EMC8: variants seen among roughly 807,000 people sequenced by gnomAD.
The protein encoded by EMC8 is ER membrane protein complex subunit 8.
In EMC8, 11 loss-of-function variants were observed where a neutral mutation model predicts 24.3. The ratio of observed to expected loss-of-function variants is 0.45; its 90% confidence interval spans 0.28 to 0.75. EMC8 has a LOEUF of 0.75. Among genes scored for constraint, EMC8 ranks in the 30% least tolerant of loss-of-function variants. EMC8 has a pLI of 0.12. For synonymous variants in EMC8, 145 were observed against 117.7 expected (o/e 1.23, Z -1.50); for missense variants, 277 against 282.7 (o/e 0.98, Z 0.14).
At chr16:85,793,982 C>T (rs1259311851) in intron 1 of EMC8, among the ~76,000 whole-genome samples, 1 of 152,094 alleles carries the variant, frequency 6.6e-6, no homozygotes, top group African/African-American at 2.4e-5. Context: ...AATGAAAAGC[C>T]TTTCAAAGGA....
intron 1 of EMC8, chr16:85,792,999 A>G (rs1905082675): frequency 2.0e-5 from 3 of 152,216 alleles, no homozygotes; most frequent in Non-Finnish European, 4.4e-5. Context: ...TTCTGCACTT[A>G]CTCATGCAAT....
chr16:85,778,663 C>T lies in EMC8; in HGVS notation c.*1045G>A, dbSNP rs1904354417. 6.6e-6 allele frequency: 1 copy of T among 152,220 alleles called. No individual in the cohort carries two copies. Among genetic ancestry groups the T allele is most frequent in the South Asian group, 2.1e-4 (1 of 4,834 alleles). 9.4% of individuals were successfully genotyped at this position (152,220 alleles called of 1,614,324 possible). On this transcript the variant is annotated 3_prime_UTR_variant, in exon 5 of 5. Coordinates refer to ENST00000253457, the MANE Select transcript of EMC8 (RefSeq NM_006067.5). Reference sequence around the variant, plus strand: ...TAAAGCACATTTATTGTAGCGATGTCTGAACTTTTTTCCTATGTGTTAAGA... The same window carrying T: ...TAAAGCACATTTATTGTAGCGATGTTTGAACTTTTTTCCTATGTGTTAAGA...
chr16:85,793,886 A>G (rs1183679922), intron 1 of EMC8, among the ~76,000 whole-genome samples: 4 of 152,234 alleles, frequency 2.6e-5, no homozygotes, highest in Admixed American at 6.5e-5. Context: ...ATAAGGATAA[A>G]TAAGTTAATA....
chr16:85,788,762 C>G, intron 2 of EMC8: 1 of 580,708 alleles, frequency 1.7e-6, no homozygotes, highest in East Asian at 2.9e-5. Flanking sequence ...AAAGAAGACA[C>G]AAAACAGAAT....
chr16:85,797,422 G>A (rs1905281970), intron 1 of EMC8, among the ~76,000 whole-genome samples: 1 of 152,114 alleles, frequency 6.6e-6, no homozygotes, highest in Admixed American at 6.6e-5. Context: ...AAAACAAAAA[G>A]ATGGTTGGAA....
chr16:85,790,158 T>A (rs1293375926), intron 1 of EMC8, among the ~76,000 whole-genome samples: 34 of 152,180 alleles, frequency 2.2e-4, no homozygotes, highest in Non-Finnish European at 3.4e-4. Flanking sequence ...TGATTTTTTT[T>A]TTTTTGTAGG....
At chr16:85,786,368 T>C (rs1904754051) in intron 2 of EMC8, among the ~76,000 whole-genome samples, 1 of 152,154 alleles carries the variant, frequency 6.6e-6, no homozygotes. Context: ...AGCAAAACCA[T>C]ACTTAAGTCA....
chr16:85,782,680 T>C (rs1904564168), intron 2 of EMC8, among the ~76,000 whole-genome samples: 1 of 152,152 alleles, frequency 6.6e-6, no homozygotes, highest in Non-Finnish European at 1.5e-5. Context: ...CAATCTGCCA[T>C]CTAACCCATT....
intron 1 of EMC8, among the ~76,000 whole-genome samples, chr16:85,794,614 G>T (rs527672986): frequency 2.6e-5 from 4 of 152,174 alleles, no homozygotes; most frequent in Admixed American, 6.5e-5. Context: ...GCTTGAACCT[G>T]AGAGGCCAAG....
At chr16:85,794,309 T>C (rs991784325) in intron 1 of EMC8, among the ~76,000 whole-genome samples, 1 of 152,210 alleles carries the variant, frequency 6.6e-6, no homozygotes, top group Non-Finnish European at 1.5e-5. Context: ...CCCCTGTAAC[T>C]TTCCTCTGAA....
Position 85,779,773 on chromosome 16 carries a change from G to C in EMC8, c.568C>G (p.Leu190Val). Residue 190 changes from leucine to valine, a missense_variant, in exon 5 of 5, where the codon CTG becomes GTG. Transcript: ENST00000253457. ...GTCCAGTCATTCCGAATGTCATCCA[G>C]GTGGTTATCGAAATCCACGAGCGTC... ...YETLVDFDNH[L>V]DDIRNDWTNP... 1 of 1,614,218 alleles carries C rather than the reference G, an allele frequency of 6.2e-7. No homozygotes were observed. Among genetic ancestry groups the C allele is most frequent in the Middle Eastern group, 1.6e-4 (1 of 6,062 alleles).
chr16:85,795,407 C>A (rs1156563587), intron 1 of EMC8, among the ~76,000 whole-genome samples: 1 of 152,224 alleles, frequency 6.6e-6, no homozygotes, highest in African/African-American at 2.4e-5. Flanking sequence ...TTTTCCTCCC[C>A]GTTCCTGGCT....
rs776497546 is a variant in EMC8 at position 85,799,041 on chromosome 16, G to A, written c.231+24C>T. On this transcript the variant is annotated intron_variant, in intron 1 of 4. Coordinates refer to ENST00000253457, the MANE Select transcript of EMC8 (RefSeq NM_006067.5). This position sits in a 1 kb window ranked among gnomAD's most constrained non-coding sequence, Gnocchi z 4.2. ...AGGGGAGGCCAGGCTGCCTGCAAGG[G>A]GAAGGGGCCCTTTCCGCGCTTACCA... 8.1e-6 allele frequency: 12 copies of A among 1,476,642 alleles called. No homozygotes were observed. Among genetic ancestry groups the A allele is most frequent in the African/African-American group, 4.2e-5 (3 of 71,704 alleles). The allele number at this position is 1,476,642 out of a possible 1,614,324, so 91.5% of individuals were successfully genotyped here.
chr16:85,799,166 G>T lies in EMC8; in HGVS notation c.130C>A (p.Leu44Met), dbSNP rs770904356. The T allele has an allele frequency of 1.2e-6, 2 of 1,610,610 alleles. No homozygotes were observed. The highest frequency in any genetic ancestry group is 1.7e-6 in the Non-Finnish European group (2 of 1,178,724). The change falls in exon 1 of 5, where the codon CTG (leucine) becomes ATG (methionine). Residue 44 changes from leucine to methionine, a missense_variant. Coordinates refer to ENST00000253457, the MANE Select transcript of EMC8 (RefSeq NM_006067.5). The surrounding 1 kb of genome is among the most constrained non-coding windows in gnomAD (Gnocchi z 4.2). ...KQKPRKEHLP[L>M]GGPGAHHTLF... ...GTGTGGTGGGCGCCGGGGCCGCCCA[G>T]GGGGAGGTGCTCCTTACGCGGCTTC...
At chr16:85,790,240 G>C (rs1211639116) in intron 1 of EMC8, among the ~76,000 whole-genome samples, 3 of 150,076 alleles carry the variant, frequency 2.0e-5, no homozygotes, top group African/African-American at 7.4e-5. Flanking sequence ...CTAAATTCTT[G>C]TTTGGGCCTC....
intron 1 of EMC8, chr16:85,792,512 C>T (rs924833446): frequency 2.0e-5 from 3 of 152,364 alleles, no homozygotes; most frequent in Admixed American, 2.0e-4. Context: ...TCGGCCAAGC[C>T]TCAGCACTCA....
intron 2 of EMC8, among the ~76,000 whole-genome samples, chr16:85,786,245 C>T (rs1904748447): frequency 6.6e-6 from 1 of 152,230 alleles, no homozygotes; most frequent in Non-Finnish European, 1.5e-5. Context: ...TCCAGGTCTA[C>T]TTGGCTCCAA....
chr16:85,798,114 G>GTTT lies in EMC8; in HGVS notation c.231+948_231+950dup, dbSNP rs1163747067. Among the ~76,000 whole-genome samples, 203 of 72,166 alleles carry GTTT rather than the reference G, an allele frequency of 2.8e-3. 1 individual carries two copies. Among genetic ancestry groups the GTTT allele is most frequent in the Middle Eastern group, 0.011 (1 of 94 alleles). The allele number at this position is 72,166 out of a possible 152,430, so 47.3% of individuals were successfully genotyped here. A position where few individuals can be genotyped will look rare whatever the true frequency, so the allele number is the denominator to read the frequency against. On this transcript the variant is annotated intron_variant, in intron 1 of 4. Coordinates refer to ENST00000253457, the MANE Select transcript of EMC8 (RefSeq NM_006067.5). ...CTGCTGTTTAATGTCACAGAAATTC[G>GTTT]TTTTTTTTTTTTTTTTTTTTTTTTT...
Position 85,788,386 on chromosome 16 carries a change from G to A in EMC8, c.308+588C>T, listed in dbSNP as rs113728501. On this transcript the variant is annotated intron_variant, in intron 2 of 4. Coordinates refer to ENST00000253457, the MANE Select transcript of EMC8 (RefSeq NM_006067.5). ...GCCTTGTCAACAGCCTGCTTATTAA[G>A]CCCTCCTCAGATTATCACCACCTGA... Among the ~76,000 whole-genome samples the A allele has an allele frequency of 2.5e-3, 377 of 151,772 alleles. 3 individuals carry two copies. The highest frequency in any genetic ancestry group is 3.9e-3 in the Non-Finnish European group (265 of 67,576).
Sources: allele counts gnomAD v4.1 joint callset (sites outside exome capture counted in the v4.1 genomes callset), GRCh38; gene constraint gnomAD v4.1.1; non-coding constraint Gnocchi (gnomAD v3.1); transcripts MANE v1.5; gene names NCBI Gene and HGNC (gene_info 2026-07-23, HGNC 2026-07-21).